The following PSMB9 variants were observed in gnomAD, a reference collection of about 807,000 sequenced individuals.
PSMB9 encodes the protein proteasome subunit beta type-9.
PSMB9 carries 16 observed loss-of-function variants against 26.9 expected under a neutral mutation model. That is an observed-to-expected ratio of 0.59 (90% confidence interval 0.40 to 0.90). The LOEUF (loss-of-function observed/expected upper bound fraction) is 0.90. Ranked by LOEUF, PSMB9 falls within the 40% of genes least tolerant of loss-of-function variation. PSMB9 has a pLI of 0.00. For synonymous variants in PSMB9, 91 were observed against 112.0 expected (o/e 0.81, Z 1.18); for missense variants, 253 against 292.2 (o/e 0.87, Z 0.98).
chr6:32,856,775 T>C (rs556702817), intron 2 of PSMB9: 1 of 155,456 alleles, frequency 6.4e-6, no homozygotes, highest in Non-Finnish European at 1.4e-5. Flanking sequence ...TAAGCCTAAT[T>C]TTGATTAACA....
chr6:32,855,470 C>G (rs1771112754), intron 1 of PSMB9, among the ~76,000 whole-genome samples: 3 of 152,134 alleles, frequency 2.0e-5, no homozygotes, highest in African/African-American at 7.2e-5. Context: ...TCTCTTGGTA[C>G]AAATTTACCT....
chr6:32,854,991 C>T lies in PSMB9; in HGVS notation c.60+702C>T, dbSNP rs1375104117. Among the ~76,000 whole-genome samples the T allele has an allele frequency of 6.6e-6, 1 of 152,202 alleles. No homozygotes were observed. The highest frequency in any genetic ancestry group is 2.4e-5 in the African/African-American group (1 of 41,436). On this transcript the variant is annotated intron_variant, in intron 1 of 5. Coordinates refer to ENST00000374859, the MANE Select transcript of PSMB9 (RefSeq NM_002800.5). The surrounding 1 kb of genome is among the most constrained non-coding windows in gnomAD (Gnocchi z 4.6). ...GGCTTCTGCTCTGGACTACTGCCAC[C>T]ACTCGTGGCTTGGGGGCGGCTTTGT...
In PSMB9 at chr6:32,857,244, G is replaced by A. The variant is rs765091623; in HGVS notation, c.129-19G>A. The A allele has an allele frequency of 1.3e-6, 2 of 1,506,136 alleles. No individual in the cohort carries two copies. Among genetic ancestry groups the A allele is most frequent in the Non-Finnish European group, 1.8e-6 (2 of 1,108,498 alleles). The allele number at this position is 1,506,136 out of a possible 1,614,324, so 93.3% of individuals were successfully genotyped here. ...AAACCTGAGTTTTAACTTGGTGACT[G>A]TTGACTCCCTCCTGACAGCGAGGCG... On this transcript the variant is annotated intron_variant, in intron 2 of 5. Transcript: ENST00000374859.
chr6:32,858,283 T>C lies in PSMB9; in HGVS notation c.391-81T>C, dbSNP rs1021652073. ...GGGGATATGAGATACCAGGGCTTCA[T>C]TGCAGGGTGCAGAGACCACTTAATG... On this transcript the variant is annotated intron_variant, in intron 4 of 5. Transcript: ENST00000374859. This position sits in a 1 kb window ranked among gnomAD's most constrained non-coding sequence, Gnocchi z 5.2. 10 of 1,604,792 alleles carry C rather than the reference T, an allele frequency of 6.2e-6. No individual in the cohort carries two copies. Among genetic ancestry groups the C allele is most frequent in the Non-Finnish European group, 8.5e-6 (10 of 1,174,244 alleles).
At position 32,854,723 on chromosome 6, in the gene PSMB9, C is replaced by T. The variant is rs1202562806; in HGVS notation, c.60+434C>T. Reference sequence around the variant, plus strand: ...ATAGGCACTTATTGAGAAGGACCAACTCATCACACAGACTTTTGATAAACT... The same window carrying T: ...ATAGGCACTTATTGAGAAGGACCAATTCATCACACAGACTTTTGATAAACT... On this transcript the variant is annotated intron_variant, in intron 1 of 5. Transcript: ENST00000374859. The surrounding 1 kb of genome is among the most constrained non-coding windows in gnomAD (Gnocchi z 4.6). 1.3e-5 allele frequency among the ~76,000 whole-genome samples: 2 copies of T among 152,216 alleles called. No homozygotes were observed. The highest frequency in any genetic ancestry group is 1.5e-5 in the Non-Finnish European group (1 of 68,048).
intron 3 of PSMB9, 152 bp downstream of exon 3, chr6:32,857,546 C>T: frequency 1.0e-6 from 1 of 990,480 alleles, no homozygotes; most frequent in Non-Finnish European, 1.4e-6. Flanking sequence ...TCAGTTTCTG[C>T]ATCTGTAAAG....
At position 32,858,810 on chromosome 6, in the gene PSMB9, G is replaced by A; in HGVS notation, c.532+305G>A. ...AACAATTTGGGAGGCTGAGGCAGGAGGATTACTTGAGCCCAGGAGTTTGAG... is the reference window on the plus strand; with the variant it reads ...AACAATTTGGGAGGCTGAGGCAGGAAGATTACTTGAGCCCAGGAGTTTGAG... On this transcript the variant is annotated intron_variant, in intron 5 of 5. Transcript: ENST00000374859. The surrounding 1 kb of genome is among the most constrained non-coding windows in gnomAD (Gnocchi z 5.2). The A allele has an allele frequency of 2.2e-6, 1 of 462,982 alleles. No homozygotes were observed. The highest frequency in any genetic ancestry group is 2.3e-5 in the South Asian group (1 of 42,734). 28.7% of individuals were successfully genotyped at this position (462,982 alleles called of 1,614,324 possible).
Position 32,856,210 on chromosome 6 carries a change from G to A in PSMB9, c.128+5G>A, listed in dbSNP as rs1771153585. 1 of 1,611,186 alleles carries A rather than the reference G, an allele frequency of 6.2e-7. No homozygotes were observed. On this transcript the variant is annotated splice_donor_5th_base_variant and intron_variant, in intron 2 of 5. Coordinates refer to ENST00000374859, the MANE Select transcript of PSMB9 (RefSeq NM_002800.5). ...TGATTCCCGAGTGTCTGCAGGGTGA[G>A]TAAAAGTGAAGATGTATGCATTTGG...
intron 2 of PSMB9, 64 bp from the exon 3 acceptor site, chr6:32,857,199 A>AG: frequency 6.6e-6 from 1 of 151,270 alleles, no homozygotes; most frequent in South Asian, 2.3e-4. Context: ...AGACTGTCTC[A>AG]AAAAAAAAAA....
intron 5 of PSMB9, chr6:32,859,016 C>T (rs998796015): frequency 3.0e-5 from 6 of 201,356 alleles, no homozygotes; most frequent in South Asian, 2.8e-4. Flanking sequence ...TGCACCACTG[C>T]GCTGCAGCCT....
intron 5 of PSMB9, 56 bp from the exon 6 acceptor site, chr6:32,859,349 T>C: frequency 6.5e-7 from 1 of 1,534,154 alleles, no homozygotes; most frequent in Non-Finnish European, 8.8e-7. Flanking sequence ...AGTAAAAAGA[T>C]TTTTGAAGCT....
At position 32,859,592 on chromosome 6, in the gene PSMB9, A is replaced by T; in HGVS notation, c.*60A>T. 1 of 1,543,996 alleles carries T rather than the reference A, an allele frequency of 6.5e-7. No homozygotes were observed. The highest frequency in any genetic ancestry group is 8.9e-7 in the Non-Finnish European group (1 of 1,128,480). ...AAACTCTCTAGGGCCAAAACCTGGT[A>T]TGGTCATTGGGAAATGAGTGCTCAG... is the stretch of plus-strand genomic sequence containing the variant. On this transcript the variant is annotated 3_prime_UTR_variant, in exon 6 of 6. Coordinates refer to ENST00000374859, the MANE Select transcript of PSMB9 (RefSeq NM_002800.5).
Position 32,858,432 on chromosome 6 carries a change from T to C in PSMB9, c.459T>C (p.Phe153=), listed in dbSNP as rs776414653. Residue 153 remains phenylalanine (F), a synonymous_variant, in exon 5 of 6, where the codon TTT becomes TTC. Coordinates refer to ENST00000374859, the MANE Select transcript of PSMB9 (RefSeq NM_002800.5). This position sits in a 1 kb window ranked among gnomAD's most constrained non-coding sequence, Gnocchi z 5.2. ...CCATTGGTGGCTCCGGCAGCACCTT[T>C]ATCTATGGTTATGTGGATGCAGCAT... ...PFAIGGSGST[F]IYGYVDAAYK... 2.7e-5 allele frequency: 44 copies of C among 1,612,904 alleles called. 1 individual carries two copies. The highest frequency in any genetic ancestry group is 3.6e-5 in the Non-Finnish European group (42 of 1,180,030).
In PSMB9 at chr6:32,859,572, C is replaced by G. The variant is rs750965763; in HGVS notation, c.*40C>G. ...TCTCTTTCTTATTTTGTAATAAACT[C>G]TCTAGGGCCAAAACCTGGTATGGTC... On this transcript the variant is annotated 3_prime_UTR_variant, in exon 6 of 6. Coordinates refer to ENST00000374859, the MANE Select transcript of PSMB9 (RefSeq NM_002800.5). 1 of 1,598,830 alleles carries G rather than the reference C, an allele frequency of 6.3e-7. No individual in the cohort carries two copies. Among genetic ancestry groups the G allele is most frequent in the Non-Finnish European group, 8.5e-7 (1 of 1,171,168 alleles).
chr6:32,859,667 A>G lies in PSMB9; in HGVS notation c.*135A>G, dbSNP rs1771368056. 1 of 1,008,794 alleles carries G rather than the reference A, an allele frequency of 9.9e-7. No individual in the cohort carries two copies. Among genetic ancestry groups the G allele is most frequent in the Admixed American group, 2.5e-5 (1 of 39,634 alleles). The allele number at this position is 1,008,794 out of a possible 1,614,324, so 62.5% of individuals were successfully genotyped here. A position where few individuals can be genotyped will look rare whatever the true frequency, so the allele number is the denominator to read the frequency against. On this transcript the variant is annotated 3_prime_UTR_variant, in exon 6 of 6. Transcript: ENST00000374859. ...GTGCTTCCCTCCTAGATGTCAGCATACACTCTTTCTTCTTTTGTCCCAGGT... is the reference window on the plus strand; with the variant it reads ...GTGCTTCCCTCCTAGATGTCAGCATGCACTCTTTCTTCTTTTGTCCCAGGT...
At position 32,858,966 on chromosome 6, in the gene PSMB9, C is replaced by A; in HGVS notation, c.533-439C>A. 4.1e-6 allele frequency: 1 copy of A among 246,174 alleles called. No homozygotes were observed. Among genetic ancestry groups the A allele is most frequent in the Non-Finnish European group, 7.9e-6 (1 of 125,818 alleles). The allele number at this position is 246,174 out of a possible 1,614,324, so 15.2% of individuals were successfully genotyped here. ...ACTCAGGAGGCTGAGGTGGAAAGATCATCTGAGCCGGGGAGATCAAGGCTG... is the reference window on the plus strand; with the variant it reads ...ACTCAGGAGGCTGAGGTGGAAAGATAATCTGAGCCGGGGAGATCAAGGCTG... On this transcript the variant is annotated intron_variant, in intron 5 of 5. Transcript: ENST00000374859. The surrounding 1 kb of genome is among the most constrained non-coding windows in gnomAD (Gnocchi z 5.2).
chr6:32,855,427 G>T (rs1771111073), intron 1 of PSMB9, among the ~76,000 whole-genome samples: 1 of 152,024 alleles, frequency 6.6e-6, no homozygotes, highest in African/African-American at 2.4e-5. Context: ...TTCTTGACCT[G>T]GAAAAGTCAG....
chr6:32,858,164 T>C lies in PSMB9; in HGVS notation c.390+30T>C. 2 of 1,612,366 alleles carry C rather than the reference T, an allele frequency of 1.2e-6. No homozygotes were observed. The highest frequency in any genetic ancestry group is 1.7e-6 in the Non-Finnish European group (2 of 1,179,574). ...GTTTCTCCCAAAGCACTCTCTCCTC[T>C]GGGCTTCCCCACTCTCCTGCAGAGG... On this transcript the variant is annotated intron_variant, in intron 4 of 5. Coordinates refer to ENST00000374859, the MANE Select transcript of PSMB9 (RefSeq NM_002800.5). This position sits in a 1 kb window ranked among gnomAD's most constrained non-coding sequence, Gnocchi z 5.2.
In PSMB9 at chr6:32,854,672, T is replaced by C. The variant is rs1168913288; in HGVS notation, c.60+383T>C. Among the ~76,000 whole-genome samples, 2 of 152,092 alleles carry C rather than the reference T, an allele frequency of 1.3e-5. No individual in the cohort carries two copies. The highest frequency in any genetic ancestry group is 1.9e-4 in the East Asian group (1 of 5,186). On this transcript the variant is annotated intron_variant, in intron 1 of 5. Coordinates refer to ENST00000374859, the MANE Select transcript of PSMB9 (RefSeq NM_002800.5). The surrounding 1 kb of genome is among the most constrained non-coding windows in gnomAD (Gnocchi z 4.6). ...TGAGGAAATGGTGCCCTGGGTGAAG[T>C]AGAACAGCACTTGGGAGAAGGAAAT...
Sources: gnomAD v4.1 joint callset for allele counts (sites outside exome capture counted in the v4.1 genomes callset) on GRCh38, gnomAD v4.1.1 for gene constraint, Gnocchi (gnomAD v3.1) non-coding constraint, MANE v1.5 for transcripts, NCBI Gene and HGNC (gene_info 2026-07-23, HGNC 2026-07-21) for gene names.